BCAS3: variants seen among roughly 807,000 people sequenced by gnomAD.
BCAS3 encodes BCAS4/BCAS3 fusion.
BCAS3 carries 53 observed loss-of-function variants against 116.1 expected under a neutral mutation model. The ratio of observed to expected loss-of-function variants is 0.46; its 90% confidence interval spans 0.37 to 0.57. The LOEUF is 0.57. Among genes scored for constraint, BCAS3 ranks in the 20% least tolerant of loss-of-function variants. The pLI is 0.00. For synonymous variants in BCAS3, 391 were observed against 408.2 expected (o/e 0.96, Z 0.51); for missense variants, 917 against 1,165.4 (o/e 0.79, Z 3.10).
Position 61,307,920 on chromosome 17 carries a change from T to C in BCAS3, c.2426-60407T>C, listed in dbSNP as rs1388205087. Among the ~76,000 whole-genome samples, 1 of 143,474 alleles carries C rather than the reference T, an allele frequency of 7.0e-6. No individual in the cohort carries two copies. Among genetic ancestry groups the C allele is most frequent in the Non-Finnish European group, 1.5e-5 (1 of 67,206 alleles). 94.1% of individuals were successfully genotyped at this position (143,474 alleles called of 152,430 possible). A position where few individuals can be genotyped will look rare whatever the true frequency, so the allele number is the denominator to read the frequency against. ...GTTACGTGAGCAACCCCAAACAGTA[T>C]ACACCTTGACAATGTGGAGACTCAA... On this transcript the variant is annotated intron_variant, in intron 22 of 23. Transcript: ENST00000407086. The surrounding 1 kb of genome is among the most constrained non-coding windows in gnomAD (Gnocchi z 4.7).
At position 61,196,450 on chromosome 17, in the gene BCAS3, G is replaced by T. The variant is rs1446198322; in HGVS notation, c.2425+111886G>T. On this transcript the variant is annotated intron_variant, in intron 22 of 23. Coordinates refer to ENST00000407086, the MANE Select transcript of BCAS3 (RefSeq NM_017679.5). This position sits in a 1 kb window ranked among gnomAD's most constrained non-coding sequence, Gnocchi z 4.7. The stretch of plus-strand genomic sequence containing the variant: ...GGGACAAGAACAGGGTCAACAGCTG[G>T]CAAAGGATATGGCAATCATTTATAT... Among the ~76,000 whole-genome samples the T allele has an allele frequency of 6.6e-6, 1 of 152,152 alleles. No homozygotes were observed. The highest frequency in any genetic ancestry group is 1.5e-5 in the Non-Finnish European group (1 of 68,026).
At chr17:60,873,465 A>C (rs1215193229) in intron 8 of BCAS3, among the ~76,000 whole-genome samples, 4 of 152,194 alleles carry the variant, frequency 2.6e-5, no homozygotes, top group Non-Finnish European at 4.4e-5. Context: ...AGTTTGTTAA[A>C]TATTTAGTAA....
At chr17:61,143,975 AAG>A (rs541377162) in intron 22 of BCAS3, among the ~76,000 whole-genome samples, 83 of 152,326 alleles carry the variant, frequency 5.4e-4, no homozygotes, top group African/African-American at 1.9e-3. Flanking sequence ...TGAAATCAGA[AAG>A]AATTTTTTTT....
chr17:61,311,724 C>G (rs1444194783), intron 22 of BCAS3, among the ~76,000 whole-genome samples: 1 of 152,108 alleles, frequency 6.6e-6, no homozygotes, highest in Non-Finnish European at 1.5e-5. Flanking sequence ...GAAACCCTGT[C>G]TCTACTAAAA....
chr17:60,936,472 C>T (rs941538811), intron 13 of BCAS3, among the ~76,000 whole-genome samples: 4 of 152,202 alleles, frequency 2.6e-5, no homozygotes, highest in African/African-American at 9.6e-5. Context: ...TACAGTCCCA[C>T]CAACAGTGTA....
At chr17:61,194,735 T>A (rs2080372358) in intron 22 of BCAS3, among the ~76,000 whole-genome samples, 1 of 102,108 alleles carries the variant, frequency 9.8e-6, no homozygotes, top group South Asian at 4.5e-4. Context: ...AGCAAGACTC[T>A]GTCTCAAAAA....
intron 14 of BCAS3, among the ~76,000 whole-genome samples, chr17:60,980,253 A>G (rs933204270): frequency 3.9e-5 from 6 of 152,140 alleles, no homozygotes; most frequent in Admixed American, 6.5e-5. Flanking sequence ...TATTTCCCCT[A>G]TGGAAATTTG....
At chr17:60,862,058 C>T (rs970080207) in intron 7 of BCAS3, among the ~76,000 whole-genome samples, 3 of 151,892 alleles carry the variant, frequency 2.0e-5, no homozygotes, top group Non-Finnish European at 4.4e-5. Flanking sequence ...CCGAGGAGGG[C>T]GGATCATGAG....
intron 22 of BCAS3, among the ~76,000 whole-genome samples, chr17:61,247,818 A>T (rs1319857438): frequency 6.6e-6 from 1 of 152,188 alleles, no homozygotes; most frequent in Non-Finnish European, 1.5e-5. Context: ...CCCCGCCTCT[A>T]GGTTCCTTGG....
intron 22 of BCAS3, among the ~76,000 whole-genome samples, chr17:61,275,677 A>C (rs946746262): frequency 6.6e-6 from 1 of 152,204 alleles, no homozygotes; most frequent in South Asian, 2.1e-4. Flanking sequence ...GTGCACATGC[A>C]CTTGGCCCAG....
At chr17:61,255,886 G>A (rs923369697) in intron 22 of BCAS3, among the ~76,000 whole-genome samples, 2 of 152,162 alleles carry the variant, frequency 1.3e-5, no homozygotes, top group Non-Finnish European at 2.9e-5. Context: ...TGGACTTCAA[G>A]GTGGATGGTT....
chr17:61,331,088 A>G (rs3785849), intron 22 of BCAS3, among the ~76,000 whole-genome samples: 81,970 of 152,038 alleles, frequency 0.54, 25,047 homozygotes, highest in Non-Finnish European at 0.7. Flanking sequence ...ATATAAGACC[A>G]TGTCCTGCGT....
intron 22 of BCAS3, among the ~76,000 whole-genome samples, chr17:61,142,034 C>T (rs1852788941): frequency 6.6e-6 from 1 of 151,800 alleles, no homozygotes; most frequent in South Asian, 2.1e-4. Flanking sequence ...TCCTTTTCCC[C>T]AGATATATAC....
Position 61,034,656 on chromosome 17 carries a change from ATTT to A in BCAS3, c.1638-6_1638-4del. ...GATAATTGTTTTTTACTCTTATTTT[ATTT>A]TTTAAGCAAAGTTAAACCTCCTCCA... On this transcript the variant is annotated splice_polypyrimidine_tract_variant and splice_region_variant and intron_variant, in intron 16 of 23. Transcript: ENST00000407086. The surrounding 1 kb of genome is among the most constrained non-coding windows in gnomAD (Gnocchi z 5.0). The A allele has an allele frequency of 6.3e-7, 1 of 1,592,898 alleles. No individual in the cohort carries two copies. Among genetic ancestry groups the A allele is most frequent in the Non-Finnish European group, 8.6e-7 (1 of 1,168,590 alleles).
At chr17:60,984,305 T>A (rs989807613) in intron 14 of BCAS3, among the ~76,000 whole-genome samples, 1 of 152,192 alleles carries the variant, frequency 6.6e-6, no homozygotes. Context: ...AACTTGTACT[T>A]TGATGGCTAC....
rs1286268105 is a variant in BCAS3 at position 61,214,692 on chromosome 17, AAAAAAAAG to A, written c.2425+130144_2425+130151del. Reference sequence around the variant, plus strand: ...GGCGACAGAGCAAGACTCCATCTCAAAAAAAAAGAAAAAAAGAAAAAAATTCAAAAACA... The same window carrying A: ...GGCGACAGAGCAAGACTCCATCTCAAAAAAAAAGAAAAAAATTCAAAAACA... On this transcript the variant is annotated intron_variant, in intron 22 of 23. Coordinates refer to ENST00000407086, the MANE Select transcript of BCAS3 (RefSeq NM_017679.5). The surrounding 1 kb of genome is among the most constrained non-coding windows in gnomAD (Gnocchi z 4.4). Among the ~76,000 whole-genome samples, 2 of 152,022 alleles carry A rather than the reference AAAAAAAAG, an allele frequency of 1.3e-5. No homozygotes were observed. The highest frequency in any genetic ancestry group is 2.1e-4 in the South Asian group (1 of 4,800).
intron 22 of BCAS3, among the ~76,000 whole-genome samples, chr17:61,089,195 T>C (rs1285840410): frequency 6.6e-6 from 1 of 152,158 alleles, no homozygotes; most frequent in East Asian, 1.9e-4. Context: ...CAAATACTGT[T>C]TACTGAAGAA....
intron 23 of BCAS3, among the ~76,000 whole-genome samples, chr17:61,373,478 G>A (rs1031646393): frequency 6.7e-6 from 1 of 150,204 alleles, no homozygotes; most frequent in Non-Finnish European, 1.5e-5. Flanking sequence ...CACCCAGACT[G>A]GAGTGCTGTG....
At chr17:61,190,057 G>A (rs572369321) in intron 22 of BCAS3, among the ~76,000 whole-genome samples, 1 of 152,276 alleles carries the variant, frequency 6.6e-6, no homozygotes, top group Non-Finnish European at 1.5e-5. Flanking sequence ...GGAGTCATAG[G>A]GGAGTGAGCT....
Sources: gnomAD v4.1 joint callset for allele counts (sites outside exome capture counted in the v4.1 genomes callset) on GRCh38, gnomAD v4.1.1 for gene constraint, Gnocchi (gnomAD v3.1) non-coding constraint, MANE v1.5 for transcripts, NCBI Gene and HGNC (gene_info 2026-07-23, HGNC 2026-07-21) for gene names.